The following GLIS3 variants were observed in gnomAD, a reference collection of about 807,000 sequenced individuals.
GLIS3 encodes the protein zinc finger protein GLIS3.
GLIS3 carries 53 observed loss-of-function variants against 78.6 expected under a neutral mutation model. The ratio of observed to expected loss-of-function variants is 0.67; its 90% CI spans 0.54 to 0.85. The LOEUF is 0.85. Ranked by LOEUF, GLIS3 falls within the 40% of genes least tolerant of loss-of-function variation. GLIS3 has a pLI of 0.00. For synonymous variants in GLIS3, 684 were observed against 509.9 expected (o/e 1.34, Z -4.60); for missense variants, 1,703 against 1,231.1 (o/e 1.38, Z -5.74).
chr9:4,241,146 C>A (rs1037889250), intron 2 of GLIS3, among the ~76,000 whole-genome samples: 1 of 152,164 alleles, frequency 6.6e-6, no homozygotes, highest in Non-Finnish European at 1.5e-5. Context: ...TTTGTGCACA[C>A]TCTGAAATCT....
intron 3 of GLIS3, among the ~76,000 whole-genome samples, chr9:4,124,974 G>C (rs1215500773): frequency 1.3e-5 from 2 of 152,136 alleles, no homozygotes; most frequent in African/African-American, 4.8e-5. Context: ...CAGTATTTTG[G>C]CTTTATGCCC....
At chr9:4,354,554 C>T in the GLIS3 span, among the ~76,000 whole-genome samples, 2 of 152,190 alleles carry the variant, frequency 1.3e-5, no homozygotes, top group South Asian at 4.1e-4. Context: ...CCATCTTATT[C>T]AGGTCAAAAC....
chr9:3,972,635 C>T (rs916447413), intron 4 of GLIS3, among the ~76,000 whole-genome samples: 1 of 152,090 alleles, frequency 6.6e-6, no homozygotes, highest in Non-Finnish European at 1.5e-5. Context: ...AGGCACTTTT[C>T]TCCTTGTAAA....
the GLIS3 span, among the ~76,000 whole-genome samples, chr9:4,354,864 C>T: frequency 6.6e-6 from 1 of 152,124 alleles, no homozygotes; most frequent in Non-Finnish European, 1.5e-5. Context: ...TGCCTGTAAT[C>T]CCAACACTTT....
At chr9:4,305,763 A>G (rs1168808187) in intron 4 of GLIS3, 1 of 151,686 alleles carries the variant, frequency 6.6e-6, no homozygotes, top group African/African-American at 2.4e-5. Context: ...TTGTGGAGAG[A>G]AAAAAAAAGT....
At chr9:4,249,905 A>C (rs1218700918) in intron 2 of GLIS3, among the ~76,000 whole-genome samples, 1 of 152,162 alleles carries the variant, frequency 6.6e-6, no homozygotes, top group African/African-American at 2.4e-5. Context: ...GGTTCTGTTT[A>C]TGTGATGGAT....
chr9:3,845,664 C>T (rs1166128690), intron 9 of GLIS3, among the ~76,000 whole-genome samples: 1 of 152,162 alleles, frequency 6.6e-6, no homozygotes, highest in Non-Finnish European at 1.5e-5. Context: ...TCCAAAGTTT[C>T]CCCCAGCATA....
At chr9:3,878,370 T>C (rs1269758711) in intron 8 of GLIS3, among the ~76,000 whole-genome samples, 1 of 152,216 alleles carries the variant, frequency 6.6e-6, no homozygotes, top group African/African-American at 2.4e-5. Context: ...CAACACAGTG[T>C]CTGACACATA....
At chr9:3,945,118 G>C (rs188985945) in intron 4 of GLIS3, among the ~76,000 whole-genome samples, 77 of 152,226 alleles carry the variant, frequency 5.1e-4, no homozygotes, top group African/African-American at 1.7e-3. Flanking sequence ...CTGACACATG[G>C]GGGGACCAAA....
At chr9:4,190,258 A>G (rs1392998950) in intron 2 of GLIS3, among the ~76,000 whole-genome samples, 1 of 152,178 alleles carries the variant, frequency 6.6e-6, no homozygotes, top group African/African-American at 2.4e-5. Flanking sequence ...AATTCAAACC[A>G]AAGGCAAAGA....
chr9:4,265,006 A>G (rs1406626443), intron 2 of GLIS3, among the ~76,000 whole-genome samples: 1 of 146,696 alleles, frequency 6.8e-6, no homozygotes, highest in Non-Finnish European at 1.5e-5. Context: ...CTCTACTAAA[A>G]ATACAAAAAA....
chr9:4,033,891 C>T (rs968346365), intron 4 of GLIS3, among the ~76,000 whole-genome samples: 1 of 38,226 alleles, frequency 2.6e-5, no homozygotes, highest in African/African-American at 7.7e-5. Flanking sequence ...AAAAAAAAAA[C>T]TAGAATGAGA....
intron 2 of GLIS3, among the ~76,000 whole-genome samples, chr9:4,162,755 G>A (rs1486038027): frequency 2.6e-5 from 4 of 151,410 alleles, no homozygotes; most frequent in African/African-American, 4.9e-5. Flanking sequence ...TAGTCAGGAG[G>A]CTGAGGCAGA....
intron 5 of GLIS3, among the ~76,000 whole-genome samples, chr9:3,934,470 C>T (rs938289691): frequency 6.7e-6 from 1 of 149,394 alleles, no homozygotes; most frequent in Non-Finnish European, 1.5e-5. Context: ...AGTGCAATGG[C>T]ACAATCTCGG....
intron 9 of GLIS3, among the ~76,000 whole-genome samples, chr9:3,840,180 T>C (rs1158715672): frequency 3.9e-5 from 6 of 152,356 alleles, no homozygotes; most frequent in Middle Eastern, 3.4e-3. Flanking sequence ...AGTTCAACTA[T>C]GTAACCATGA....
chr9:3,932,543 A>C lies in GLIS3; in HGVS notation c.1873-73T>G. Reference sequence around the variant, plus strand: ...TAATTGGGGAATGTTTTACTCAAAGACTATTGACTTCAGAGCATGAACTGT... The same window carrying C: ...TAATTGGGGAATGTTTTACTCAAAGCCTATTGACTTCAGAGCATGAACTGT... On this transcript the variant is annotated intron_variant, in intron 5 of 10. Coordinates refer to ENST00000381971, the MANE Select transcript of GLIS3 (RefSeq NM_001042413.2). 3.7e-6 allele frequency: 4 copies of C among 1,084,582 alleles called. No homozygotes were observed. The South Asian group carries it at 5.0e-5, about 14-fold the overall frequency. The allele number at this position is 1,084,582 out of a possible 1,614,324, so 67.2% of individuals were successfully genotyped here.
chr9:3,824,921 A>C lies in GLIS3; in HGVS notation c.*3351T>G, dbSNP rs1387622884. ...TTTTTTTTTTTGCTTCATCTGTTGC[A>C]AAAAAAAAAAAAAATAATAACCGCA... On this transcript the variant is annotated 3_prime_UTR_variant, in exon 11 of 11. Coordinates refer to ENST00000381971, the MANE Select transcript of GLIS3 (RefSeq NM_001042413.2). The C allele has an allele frequency of 1.9e-5, 1 of 53,930 alleles. No homozygotes were observed. The highest frequency in any genetic ancestry group is 4.6e-5 in the Non-Finnish European group (1 of 21,822). The allele number at this position is 53,930 out of a possible 1,614,324, so 3.3% of individuals were successfully genotyped here. A position where few individuals can be genotyped will look rare whatever the true frequency, so the allele number is the denominator to read the frequency against.
chr9:4,235,713 C>G (rs1587084494), intron 2 of GLIS3, among the ~76,000 whole-genome samples: 2 of 150,696 alleles, frequency 1.3e-5, no homozygotes, highest in South Asian at 4.2e-4. Flanking sequence ...ATTCCCCAAG[C>G]TAGAAAAAAA....
intron 4 of GLIS3, among the ~76,000 whole-genome samples, chr9:3,952,574 G>T (rs972853361): frequency 3.0e-4 from 45 of 152,152 alleles, no homozygotes; most frequent in Non-Finnish European, 6.3e-4. Flanking sequence ...CACAGTGCCT[G>T]GAACTTGCCA....
Sources: allele counts gnomAD v4.1 joint callset (sites outside exome capture counted in the v4.1 genomes callset), GRCh38; gene constraint gnomAD v4.1.1; transcripts MANE v1.5; gene names NCBI Gene and HGNC (gene_info 2026-07-23, HGNC 2026-07-21).